CNTN4: variants seen among roughly 807,000 people sequenced by gnomAD.
The protein encoded by CNTN4 is contactin-4.
A neutral mutation model predicts 122.5 loss-of-function variants in CNTN4; 77 were observed. The observed-to-expected ratio is 0.63, with a 90% CI of 0.52 to 0.76. The LOEUF (loss-of-function observed/expected upper bound fraction) is 0.76. Among genes scored for constraint, CNTN4 ranks in the 30% least tolerant of loss-of-function variants. The pLI is 0.00. For synonymous variants in CNTN4, 512 were observed against 447.0 expected (o/e 1.15, Z -1.83); for missense variants, 1,256 against 1,259.1 (o/e 1.00, Z 0.04).
intron 13 of CNTN4, among the ~76,000 whole-genome samples, chr3:2,970,303 C>T (rs1322555252): frequency 1.3e-5 from 2 of 152,056 alleles, no homozygotes; most frequent in East Asian, 3.9e-4. Context: ...AGCTATGTTG[C>T]CCAAGCTAGT....
intron 2 of CNTN4, among the ~76,000 whole-genome samples, chr3:2,186,823 A>T (rs1157141159): frequency 6.6e-6 from 1 of 152,164 alleles, no homozygotes; most frequent in Non-Finnish European, 1.5e-5. Flanking sequence ...GATTCTGGAT[A>T]TTAGCCTTTG....
At chr3:2,416,561 A>G (rs1259308437) in intron 3 of CNTN4, among the ~76,000 whole-genome samples, 3 of 152,222 alleles carry the variant, frequency 2.0e-5, no homozygotes, top group African/African-American at 7.2e-5. Context: ...TTGACTCTTC[A>G]TGTTTCCTCA....
intron 14 of CNTN4, among the ~76,000 whole-genome samples, chr3:3,015,649 ACT>A (rs1289191690): frequency 6.6e-6 from 1 of 151,964 alleles, no homozygotes; most frequent in Admixed American, 6.6e-5. Context: ...AAAGAGGGAC[ACT>A]CTCCTTCTGC....
chr3:2,120,907 A>G (rs1042526848), intron 2 of CNTN4, among the ~76,000 whole-genome samples: 6 of 152,088 alleles, frequency 3.9e-5, no homozygotes, highest in African/African-American at 1.4e-4. Context: ...TTAAACCTAT[A>G]ATAATCCTAT....
At chr3:2,111,485 C>T (rs1409929208) in intron 2 of CNTN4, among the ~76,000 whole-genome samples, 2 of 151,920 alleles carry the variant, frequency 1.3e-5, no homozygotes, top group African/African-American at 4.8e-5. Context: ...TAATGTACTC[C>T]CCAAAATAAT....
intron 13 of CNTN4, among the ~76,000 whole-genome samples, chr3:2,950,985 T>C (rs1302373790): frequency 2.0e-5 from 3 of 152,258 alleles, no homozygotes; most frequent in Admixed American, 6.5e-5. Flanking sequence ...ATGAATTCAC[T>C]AGCTGTATCA....
intron 3 of CNTN4, among the ~76,000 whole-genome samples, chr3:2,369,963 A>G (rs552500814): frequency 6.6e-6 from 1 of 152,082 alleles, no homozygotes; most frequent in East Asian, 1.9e-4. Flanking sequence ...CCATATTGAT[A>G]CTCTGTTTTT....
intron 4 of CNTN4, chr3:2,629,689 C>T (rs1322630642): frequency 6.0e-6 from 2 of 331,156 alleles, no homozygotes; most frequent in Non-Finnish European, 1.2e-5. Flanking sequence ...TGATACATCT[C>T]TCTAGCTTTT....
intron 7 of CNTN4, among the ~76,000 whole-genome samples, chr3:2,864,923 A>C (rs1468514296): frequency 6.6e-6 from 1 of 152,050 alleles, no homozygotes; most frequent in African/African-American, 2.4e-5. Flanking sequence ...TTTGCATAGG[A>C]GAAAGCTTAG....
chr3:3,039,699 A>G, intron 19 of CNTN4: 1 of 350,400 alleles, frequency 2.9e-6, no homozygotes, highest in East Asian at 7.1e-5. Flanking sequence ...GAAGATTAGT[A>G]TTAGAGGATA....
intron 2 of CNTN4, among the ~76,000 whole-genome samples, chr3:2,156,179 G>A (rs2035708923): frequency 6.6e-6 from 1 of 152,164 alleles, no homozygotes; most frequent in Non-Finnish European, 1.5e-5. Flanking sequence ...TTGGAGAGCT[G>A]GTAGGTGCCA....
At chr3:2,555,009 T>C (rs2078661999) in intron 3 of CNTN4, among the ~76,000 whole-genome samples, 1 of 152,216 alleles carries the variant, frequency 6.6e-6, no homozygotes, top group Admixed American at 6.6e-5. Context: ...TACAATAAAG[T>C]GATCTGTCTC....
chr3:2,685,703 T>A (rs2085397760), intron 4 of CNTN4, among the ~76,000 whole-genome samples: 1 of 152,194 alleles, frequency 6.6e-6, no homozygotes, highest in Non-Finnish European at 1.5e-5. Flanking sequence ...TTGTTGTTGT[T>A]GTTCTTGTTG....
In CNTN4 at chr3:2,401,553, C is replaced by T. The variant is rs78772555; in HGVS notation, c.-89+62320C>T. On this transcript the variant is annotated intron_variant, in intron 3 of 24. Transcript: ENST00000418658. Reference sequence around the variant, plus strand: ...GCTTTATTTTTTTCTGTAAAATAATCATAGGTTTCTAATATTTTGGCTTTT... The same window carrying T: ...GCTTTATTTTTTTCTGTAAAATAATTATAGGTTTCTAATATTTTGGCTTTT... Among the ~76,000 whole-genome samples the T allele has an allele frequency of 3.1e-3, 477 of 152,096 alleles. 3 individuals carry two copies. Among genetic ancestry groups the T allele is most frequent in the African/African-American group, 0.01 (417 of 41,520 alleles).
At chr3:2,542,916 G>A (rs1182157666) in intron 3 of CNTN4, among the ~76,000 whole-genome samples, 1 of 152,004 alleles carries the variant, frequency 6.6e-6, no homozygotes, top group African/African-American at 2.4e-5. Flanking sequence ...ATTCATGATG[G>A]CCTTGAAAAG....
chr3:2,542,729 C>A (rs2078083518), intron 3 of CNTN4, among the ~76,000 whole-genome samples: 2 of 152,040 alleles, frequency 1.3e-5, no homozygotes, highest in Non-Finnish European at 2.9e-5. Flanking sequence ...CGTAAATGAA[C>A]TGGCAAAATT....
intron 3 of CNTN4, among the ~76,000 whole-genome samples, chr3:2,561,944 A>G (rs2078974255): frequency 6.6e-6 from 1 of 152,186 alleles, no homozygotes; most frequent in Non-Finnish European, 1.5e-5. Flanking sequence ...ATTGCTTTCC[A>G]TAGGAGTGGG....
rs1559261055 is a variant in CNTN4, at chr3:2,120,399, ATATATATTTT to A, written c.-145+19762_-145+19771del. On this transcript the variant is annotated intron_variant, in intron 2 of 24. Coordinates refer to ENST00000418658, the MANE Select transcript of CNTN4 (RefSeq NM_175607.3). ...AATATATATATATATATATATATAT[ATATATATTTT>A]TTTTTTTTTTTTTATGCAGAGTCTC... Among the ~76,000 whole-genome samples the A allele has an allele frequency of 1.0e-3, 32 of 30,728 alleles. 1 individual carries two copies. Among genetic ancestry groups the A allele is most frequent in the African/African-American group, 3.0e-3 (31 of 10,414 alleles). 20.2% of individuals were successfully genotyped at this position (30,728 alleles called of 152,430 possible).
At chr3:2,912,265 G>C (rs930142992) in intron 12 of CNTN4, among the ~76,000 whole-genome samples, 2 of 152,184 alleles carry the variant, frequency 1.3e-5, no homozygotes, top group African/African-American at 4.8e-5. Context: ...CTGCATGCTA[G>C]AAGGGAGAGA....
Sources: allele counts gnomAD v4.1 joint callset (sites outside exome capture counted in the v4.1 genomes callset), GRCh38; gene constraint gnomAD v4.1.1; transcripts MANE v1.5; gene names NCBI Gene and HGNC (gene_info 2026-07-23, HGNC 2026-07-21).